Variants in JPT2 observed in about 807,000 individuals in gnomAD.
JPT2 encodes CRAMP_1 like.
Under a neutral mutation model 15.9 loss-of-function variants are expected in JPT2, and 9 were observed. The observed-to-expected ratio is 0.57, with a 90% CI of 0.34 to 0.99. The LOEUF is 0.99. Ranked by LOEUF, JPT2 falls within the 50% of genes least tolerant of loss-of-function variation. The pLI, the probability that JPT2 is intolerant of heterozygous loss-of-function variation, is 0.02. For missense variants in JPT2, 267 were observed against 252.1 expected (o/e 1.06, Z -0.40); for synonymous variants, 95 against 91.7 (o/e 1.04, Z -0.21).
chr16:1,695,359 C>A (rs11864786), intron 3 of JPT2, among the ~76,000 whole-genome samples: 5 of 150,476 alleles, frequency 3.3e-5, no homozygotes, highest in Non-Finnish European at 5.9e-5. Flanking sequence ...GAGCTGAGAT[C>A]GTGCTATTGC....
At chr16:1,688,321 A>G (rs148627093) in intron 2 of JPT2, 2 of 152,342 alleles carry the variant, frequency 1.3e-5, no homozygotes, top group East Asian at 3.9e-4. Context: ...CCTAGCCGGT[A>G]GCAGTGCTAG....
At chr16:1,687,391 C>A (rs1353776191) in intron 2 of JPT2, among the ~76,000 whole-genome samples, 8 of 152,054 alleles carry the variant, frequency 5.3e-5, no homozygotes, top group Admixed American at 6.5e-5. Context: ...TCGTTGTTTC[C>A]GGTTTATGAA....
chr16:1,690,495 T>C (rs2037097223), intron 2 of JPT2: 1 of 152,222 alleles, frequency 6.6e-6, no homozygotes. Context: ...AGGTGGGCTA[T>C]ACTCAAGCAT....
In JPT2 at chr16:1,698,847, A is replaced by C. The variant is rs148831271; in HGVS notation, c.422A>C (p.Glu141Ala). The change falls in exon 5 of 5, where the codon GAG becomes GCG. Residue 141 changes from glutamate to alanine, a missense_variant. Physicochemically the swap from Glu to Ala is moderately radical, Grantham distance 107 (BLOSUM62 -1). Transcript: ENST00000248098. This position sits in a 1 kb window ranked among gnomAD's most constrained non-coding sequence, Gnocchi z 4.9. The part of the protein sequence containing the change: ...RSIPAGAEPG[E>A]KGSARKAGPA... Reference sequence around the variant, plus strand: ...ATCCCGGCTGGAGCAGAGCCAGGTGAGAAAGGCAGCGCCAGAAAAGCAGGC... The same window carrying C: ...ATCCCGGCTGGAGCAGAGCCAGGTGCGAAAGGCAGCGCCAGAAAAGCAGGC... 2.5e-6 allele frequency: 4 copies of C among 1,613,946 alleles called. No homozygotes were observed. In the African/African-American group the frequency reaches 5.3e-5, roughly 22 times the overall value.
rs1405361056 is a variant in JPT2, at chr16:1,702,083, C to T, written c.*3085C>T. 1 of 452,822 alleles carries T rather than the reference C, an allele frequency of 2.2e-6. No homozygotes were observed. Among genetic ancestry groups the T allele is most frequent in the African/African-American group, 2.0e-5 (1 of 49,864 alleles). 28.1% of individuals were successfully genotyped at this position (452,822 alleles called of 1,614,324 possible). Reference sequence around the variant, plus strand: ...AAAAAACAGATTGGATGTCTTTCTTCTGATGTATTAGCTATTTTCATATGT... The same window carrying T: ...AAAAAACAGATTGGATGTCTTTCTTTTGATGTATTAGCTATTTTCATATGT... On this transcript the variant is annotated 3_prime_UTR_variant, in exon 5 of 5. Transcript: ENST00000248098.
intron 1 of JPT2, among the ~76,000 whole-genome samples, chr16:1,678,640 G>C (rs966839511): frequency 2.0e-5 from 3 of 152,184 alleles, no homozygotes; most frequent in African/African-American, 7.2e-5. Flanking sequence ...CTGTGTGGAG[G>C]GCGGGCTGCG....
At chr16:1,693,838 G>A (rs2037122225) in intron 3 of JPT2, among the ~76,000 whole-genome samples, 1 of 151,942 alleles carries the variant, frequency 6.6e-6, no homozygotes, top group East Asian at 1.9e-4. Flanking sequence ...AGGACTTGGG[G>A]AACAAGGTGA....
At chr16:1,692,066 A>G in intron 3 of JPT2, 81 bp downstream of exon 3, 2 of 1,541,186 alleles carry the variant, frequency 1.3e-6, no homozygotes, top group Non-Finnish European at 1.8e-6. Context: ...GGCAGATGCG[A>G]CATGTTTTTA....
In JPT2 at chr16:1,678,376, G is replaced by C; in HGVS notation, c.44+20G>C. 8.1e-7 allele frequency: 1 copy of C among 1,229,420 alleles called. No individual in the cohort carries two copies. Among genetic ancestry groups the C allele is most frequent in the Non-Finnish European group, 1.0e-6 (1 of 985,262 alleles). The allele number at this position is 1,229,420 out of a possible 1,614,324, so 76.2% of individuals were successfully genotyped here. ...CTCCAGGTGCGGCGCGGGGCACACG[G>C]GAGGCGGGCGGATAGCGCGACCACG... is the stretch of plus-strand genomic sequence containing the variant. On this transcript the variant is annotated intron_variant, in intron 1 of 4. Coordinates refer to ENST00000248098, the MANE Select transcript of JPT2 (RefSeq NM_144570.3).
chr16:1,683,880 T>C lies in JPT2; in HGVS notation c.45-1559T>C, dbSNP rs189017882. ...TTGAGCCCTGTAATTTCAAGTATGG[T>C]CATCCTTGGTATCCTGCGGGAGTTG... On this transcript the variant is annotated intron_variant, in intron 1 of 4. Transcript: ENST00000248098. 2.0e-5 allele frequency among the ~76,000 whole-genome samples: 3 copies of C among 152,306 alleles called. No homozygotes were observed. The East Asian group carries it at 5.8e-4, about 29-fold the overall frequency.
At chr16:1,693,644 CAG>C (rs2037120587) in intron 3 of JPT2, among the ~76,000 whole-genome samples, 1 of 152,134 alleles carries the variant, frequency 6.6e-6, no homozygotes, top group South Asian at 2.1e-4. Flanking sequence ...CAAGTGGAAA[CAG>C]AGTAGAGCTT....
Position 1,698,943 on chromosome 16 carries a change from C to T in JPT2, c.518C>T (p.Ser173Phe), listed in dbSNP as rs1055334369. 4 of 1,614,086 alleles carry T rather than the reference C, an allele frequency of 2.5e-6. No individual in the cohort carries two copies. The highest frequency in any genetic ancestry group is 3.4e-6 in the Non-Finnish European group (4 of 1,180,054). Reference protein sequence around the residue: ...HEPRLGPRPRSHNKVLNPPGG... With the variant: ...HEPRLGPRPRFHNKVLNPPGG... ...CCCCGGCTGGGGCCGCGGCCTCGCT[C>T]TCACAACAAGGTCCTGAACCCACCG... is the stretch of plus-strand genomic sequence containing the variant. Residue 173 changes from serine to phenylalanine, a missense_variant, in exon 5 of 5, where the codon TCT becomes TTT. Coordinates refer to ENST00000248098, the MANE Select transcript of JPT2 (RefSeq NM_144570.3). The surrounding 1 kb of genome is among the most constrained non-coding windows in gnomAD (Gnocchi z 4.9).
intron 3 of JPT2, among the ~76,000 whole-genome samples, chr16:1,695,266 C>T (rs1203541906): frequency 6.6e-6 from 1 of 151,992 alleles, no homozygotes; most frequent in African/African-American, 2.4e-5. Flanking sequence ...TTAGCCGGGC[C>T]TGGTGGCACA....
At chr16:1,702,236 G>A (rs1044389293), downstream of JPT2, 1 of 438,592 alleles carries the variant, frequency 2.3e-6, no homozygotes, top group Non-Finnish European at 4.6e-6. Flanking sequence ...GGCCAGATGA[G>A]ATGAAAGTCA....
chr16:1,700,691 C>T lies in JPT2; in HGVS notation c.*1693C>T, dbSNP rs2037174727. On this transcript the variant is annotated 3_prime_UTR_variant, in exon 5 of 5. Transcript: ENST00000248098. Reference sequence around the variant, plus strand: ...CACACACTTCAGGTGGTTTGTGCTTCAAAGTCATTGATGCAACTTGAAAGG... The same window carrying T: ...CACACACTTCAGGTGGTTTGTGCTTTAAAGTCATTGATGCAACTTGAAAGG... The T allele has an allele frequency of 6.5e-6, 1 of 153,092 alleles. No homozygotes were observed. The highest frequency in any genetic ancestry group is 6.5e-5 in the Admixed American group (1 of 15,334). The allele number at this position is 153,092 out of a possible 1,614,324, so 9.5% of individuals were successfully genotyped here.
At chr16:1,683,522 C>T (rs1359726064) in intron 1 of JPT2, 11 of 1,534,950 alleles carry the variant, frequency 7.2e-6, no homozygotes, top group Non-Finnish European at 9.6e-6. Context: ...ATGGCAACTG[C>T]TGACAGGAAG....
In JPT2 at chr16:1,681,529, C is replaced by T. The variant is rs1033603270; in HGVS notation, c.44+3173C>T. On this transcript the variant is annotated intron_variant, in intron 1 of 4. Transcript: ENST00000248098. ...CTCACCTCCTGCGCCCATTGGTCCC[C>T]ATTCCACATGGAGGCCACAGACTCA... Among the ~76,000 whole-genome samples, 4 of 152,320 alleles carry T rather than the reference C, an allele frequency of 2.6e-5. No homozygotes were observed. The South Asian group carries it at 8.3e-4, about 32-fold the overall frequency.
chr16:1,691,955 T>A lies in JPT2; in HGVS notation c.306T>A (p.Thr102=). 6.2e-7 allele frequency: 1 copy of A among 1,614,188 alleles called. No homozygotes were observed. The highest frequency in any genetic ancestry group is 1.3e-5 in the African/African-American group (1 of 75,046). The change falls in exon 3 of 5, where the codon ACT becomes ACA. Residue 102 remains threonine (T), a synonymous_variant. Coordinates refer to ENST00000248098, the MANE Select transcript of JPT2 (RefSeq NM_144570.3). ...TTTTTGGGTCTCCGGTCACTGCCAC[T>A]TCACGCTTGGCACACCCAAACAAAC... is the stretch of plus-strand genomic sequence containing the variant. The part of the protein sequence containing the change: ...SDIFGSPVTA[T]SRLAHPNKPK...
At chr16:1,702,351 G>T (rs143998775), downstream of JPT2, 3 of 308,642 alleles carry the variant, frequency 9.7e-6, no homozygotes, top group Admixed American at 7.7e-5. Context: ...GAAATGACAC[G>T]CTAAGTTTCC....
Sources: allele counts gnomAD v4.1 joint callset (sites outside exome capture counted in the v4.1 genomes callset), GRCh38; gene constraint gnomAD v4.1.1; non-coding constraint Gnocchi (gnomAD v3.1); transcripts MANE v1.5; gene names NCBI Gene and HGNC (gene_info 2026-07-23, HGNC 2026-07-21).